The following FAM76A variants were observed in gnomAD, a reference collection of about 807,000 sequenced individuals.
FAM76A encodes protein FAM76A.
Under a neutral mutation model 46.2 loss-of-function variants are expected in FAM76A, and 32 were observed. The ratio of observed to expected loss-of-function variants is 0.69; its 90% CI spans 0.52 to 0.93. FAM76A has a LOEUF of 0.93. FAM76A is among the 40% of genes least tolerant of loss of function. The pLI, the probability that FAM76A is intolerant of heterozygous loss-of-function variation, is 0.00. For synonymous variants in FAM76A, 137 were observed against 127.0 expected, an observed-to-expected ratio of 1.08 and a Z score of -0.53; for missense variants, 274 against 361.5, an observed-to-expected ratio of 0.76 and a Z score of 1.96.
intron 4 of FAM76A, chr1:27,739,505 G>A: frequency 2.7e-6 from 1 of 368,426 alleles, no homozygotes; most frequent in South Asian, 2.2e-5. Context: ...AACTGCATAT[G>A]GCAGGGTGTG....
chr1:27,744,625 T>C, intron 4 of FAM76A, 29 bp from the exon 5 acceptor site: 1 of 1,611,338 alleles, frequency 6.2e-7, no homozygotes, highest in Non-Finnish European at 8.5e-7. Flanking sequence ...AAATTCCCTC[T>C]TCTTTATCTT....
chr1:27,734,707 T>C (rs2088016767), intron 4 of FAM76A, among the ~76,000 whole-genome samples: 1 of 152,232 alleles, frequency 6.6e-6, no homozygotes, highest in Non-Finnish European at 1.5e-5. Context: ...TGAATTACAG[T>C]GATCACGTAA....
At chr1:27,727,958 C>G (rs553003628) in intron 2 of FAM76A, among the ~76,000 whole-genome samples, 154 of 152,038 alleles carry the variant, frequency 1.0e-3, no homozygotes, top group Admixed American at 3.6e-3. Flanking sequence ...CAGGTGCCTG[C>G]CACCATGTCC....
At chr1:27,727,622 A>C in intron 2 of FAM76A, 86 bp downstream of exon 2, 1 of 959,076 alleles carries the variant, frequency 1.0e-6, no homozygotes, top group Non-Finnish European at 1.7e-6. Flanking sequence ...TACAGATGCT[A>C]TAATCAGTTG....
Position 27,726,036 on chromosome 1 carries a change from C to CGGCGG in FAM76A, c.-43_-39dup. 1 of 1,251,030 alleles carries CGGCGG rather than the reference C, an allele frequency of 8.0e-7. No homozygotes were observed. Among genetic ancestry groups the CGGCGG allele is most frequent in the Non-Finnish European group, 1.0e-6 (1 of 994,850 alleles). The allele number at this position is 1,251,030 out of a possible 1,614,324, so 77.5% of individuals were successfully genotyped here. On this transcript the variant is annotated 5_prime_UTR_variant, in exon 1 of 9. Transcript: ENST00000373954. ...TTGTGCCTCAGACTGTCAGATAAAT[C>CGGCGG]GGCGGGCCGGGCCGGCGGGTCGGTG...
intron 2 of FAM76A, 146 bp from the exon 3 acceptor site, chr1:27,732,457 T>A: frequency 1.9e-6 from 1 of 523,940 alleles, no homozygotes; most frequent in East Asian, 2.8e-5. Context: ...AAAAGAGTTA[T>A]TAGAAAGGTA....
At chr1:27,734,242 A>G in intron 4 of FAM76A, 59 bp downstream of exon 4, 1 of 1,531,298 alleles carries the variant, frequency 6.5e-7, no homozygotes, top group Non-Finnish European at 8.8e-7. Context: ...AGGTGGACTA[A>G]CTGTGTTAAA....
At chr1:27,734,373 G>A (rs989559695) in intron 4 of FAM76A, among the ~76,000 whole-genome samples, 190 bp downstream of exon 4, 10 of 151,686 alleles carry the variant, frequency 6.6e-5, no homozygotes, top group Admixed American at 2.6e-4. Flanking sequence ...TGGTGAAACC[G>A]CGTCTCTACT....
intron 1 of FAM76A, among the ~76,000 whole-genome samples, chr1:27,726,363 G>A (rs905034320): frequency 1.3e-5 from 2 of 152,192 alleles, no homozygotes; most frequent in South Asian, 4.1e-4. Flanking sequence ...CGGCCGGCGT[G>A]TCCGGGTGCT....
chr1:27,726,092 C>A lies in FAM76A; in HGVS notation c.12C>A (p.Leu4=). MAA[L]YACTKCHQRF... is the part of the protein sequence containing the mutation. ...GGCCCGGGCCGGACATGGCGGCGCTCTACGCCTGCACCAAGTGCCACCAGC... is the reference window on the plus strand; with the variant it reads ...GGCCCGGGCCGGACATGGCGGCGCTATACGCCTGCACCAAGTGCCACCAGC... Residue 4 remains leucine (L), a synonymous_variant, in exon 1 of 9, where the codon CTC becomes CTA. Coordinates refer to ENST00000373954, the MANE Select transcript of FAM76A (RefSeq NM_152660.3). The A allele has an allele frequency of 7.8e-7, 1 of 1,285,812 alleles. No individual in the cohort carries two copies. Among genetic ancestry groups the A allele is most frequent in the South Asian group, 2.5e-5 (1 of 40,296 alleles). The allele number at this position is 1,285,812 out of a possible 1,614,324, so 79.7% of individuals were successfully genotyped here. A position where few individuals can be genotyped will look rare whatever the true frequency, so the allele number is the denominator to read the frequency against.
chr1:27,731,836 T>A (rs939261846), intron 2 of FAM76A, among the ~76,000 whole-genome samples: 1 of 152,138 alleles, frequency 6.6e-6, no homozygotes, highest in African/African-American at 2.4e-5. Flanking sequence ...CACTTGTTTT[T>A]TTGAGACGGA....
chr1:27,754,710 T>TA (rs901509943), intron 6 of FAM76A, among the ~76,000 whole-genome samples: 1 of 152,180 alleles, frequency 6.6e-6, no homozygotes, highest in Admixed American at 6.6e-5. Context: ...TCTCGGCAGA[T>TA]ACACTGACTG....
intron 6 of FAM76A, among the ~76,000 whole-genome samples, chr1:27,753,481 G>A (rs951051141): frequency 6.6e-6 from 1 of 152,156 alleles, no homozygotes. Flanking sequence ...GACTGTAATA[G>A]GTCCTTTCAG....
At chr1:27,738,973 C>G (rs1313601448) in intron 4 of FAM76A, 1 of 166,014 alleles carries the variant, frequency 6.0e-6, no homozygotes, top group Non-Finnish European at 1.3e-5. Context: ...ATGATTAGAA[C>G]AGAAAGAAGA....
chr1:27,761,300 A>C lies in FAM76A; in HGVS notation c.*719A>C, dbSNP rs2088507016. 6.6e-6 allele frequency: 1 copy of C among 152,620 alleles called. No individual in the cohort carries two copies. The highest frequency in any genetic ancestry group is 1.5e-5 in the Non-Finnish European group (1 of 68,030). The allele number at this position is 152,620 out of a possible 1,614,324, so 9.5% of individuals were successfully genotyped here. ...CCTATTCACTAGCTTTTAGTAAAAG[A>C]ATCAGATCTTTTCTTTCTTGTTACC... On this transcript the variant is annotated 3_prime_UTR_variant, in exon 9 of 9. Transcript: ENST00000373954.
At chr1:27,755,377 G>GAT in intron 7 of FAM76A, 47 bp downstream of exon 7, 2 of 1,606,884 alleles carry the variant, frequency 1.2e-6, no homozygotes, top group Non-Finnish European at 1.7e-6. Flanking sequence ...GCGAGGGTGA[G>GAT]ATATGTGGTA....
intron 6 of FAM76A, among the ~76,000 whole-genome samples, chr1:27,751,504 T>TA (rs1436872276): frequency 1.3e-5 from 2 of 151,806 alleles, no homozygotes; most frequent in Admixed American, 1.3e-4. Flanking sequence ...ATTTCTTTTT[T>TA]TTTTTTTTTC....
chr1:27,760,870 C>CTTTTTTTTTTT lies in FAM76A; in HGVS notation c.*295_*296insTTTTTTTTTTT, dbSNP rs2088492929. ...TATTTTGGTTCTATTCTTTTTTTTT[C>CTTTTTTTTTTT]TTTTTTCTTTTTTTTTTTTTTTTTT... On this transcript the variant is annotated 3_prime_UTR_variant, in exon 9 of 9. Transcript: ENST00000373954. 7.0e-5 allele frequency: 3 copies of CTTTTTTTTTTT among 43,144 alleles called. No homozygotes were observed. The highest frequency in any genetic ancestry group is 6.6e-4 in the South Asian group (1 of 1,504). 2.7% of individuals were successfully genotyped at this position (43,144 alleles called of 1,614,324 possible). A position where few individuals can be genotyped will look rare whatever the true frequency, so the allele number is the denominator to read the frequency against.
At chr1:27,757,715 G>A (rs1003556570) in intron 7 of FAM76A, among the ~76,000 whole-genome samples, 1 of 151,846 alleles carries the variant, frequency 6.6e-6, no homozygotes, top group Non-Finnish European at 1.5e-5. Context: ...GGTGGCTCAT[G>A]CCTGTAATCC....
Sources: gnomAD v4.1 joint callset for allele counts (sites outside exome capture counted in the v4.1 genomes callset) on GRCh38, gnomAD v4.1.1 for gene constraint, MANE v1.5 for transcripts, NCBI Gene and HGNC (gene_info 2026-07-23, HGNC 2026-07-21) for gene names.